MAP3K9: variants seen among roughly 807,000 people sequenced by gnomAD.
The protein encoded by MAP3K9 is mitogen-activated protein kinase kinase kinase 9.
MAP3K9 carries 46 observed loss-of-function variants against 95.8 expected under a neutral mutation model. The observed-to-expected ratio is 0.48, with a 90% CI of 0.38 to 0.61. The LOEUF (loss-of-function observed/expected upper bound fraction) is 0.61, where lower values mean the gene tolerates loss of function less well. MAP3K9 is among the 20% of genes least tolerant of loss of function. The probability of loss-of-function intolerance (pLI) is 0.00; values close to 1 mark genes in which losing one functional copy is unlikely to be tolerated. For synonymous variants in MAP3K9, 533 were observed against 593.8 expected (o/e 0.90, Z 1.49); for missense variants, 1,296 against 1,474.3 (o/e 0.88, Z 1.98).
intron 3 of MAP3K9, among the ~76,000 whole-genome samples, chr14:70,758,928 A>G (rs113939290): frequency 6.6e-6 from 1 of 152,166 alleles, no homozygotes; most frequent in African/African-American, 2.4e-5. Context: ...ACGCCTAGCT[A>G]ATTTTGTATT....
chr14:70,745,144 A>T (rs1383184351), intron 5 of MAP3K9, among the ~76,000 whole-genome samples: 1 of 152,208 alleles, frequency 6.6e-6, no homozygotes, highest in African/African-American at 2.4e-5. Context: ...GGAGAGAGCC[A>T]TGTCTGAAAA....
At chr14:70,750,559 A>ACTGCAAC (rs1361440623) in intron 3 of MAP3K9, among the ~76,000 whole-genome samples, 1 of 152,074 alleles carries the variant, frequency 6.6e-6, no homozygotes, top group Non-Finnish European at 1.5e-5. Flanking sequence ...ATCTCGGCTC[A>ACTGCAAC]CTGCAACCTC....
chr14:70,730,190 T>A lies in MAP3K9; in HGVS notation c.*190A>T. 1 of 791,706 alleles carries A rather than the reference T, an allele frequency of 1.3e-6. No homozygotes were observed. The highest frequency in any genetic ancestry group is 1.9e-6 in the Non-Finnish European group (1 of 519,130). The allele number at this position is 791,706 out of a possible 1,614,324, so 49.0% of individuals were successfully genotyped here. On this transcript the variant is annotated 3_prime_UTR_variant, in exon 12 of 12. Transcript: ENST00000554752. ...CCACAGCCCCTCCAGTGGACACGGG[T>A]AGAAAGGCCCTGCAGGGCAGGAGAC... is the stretch of plus-strand genomic sequence containing the variant.
chr14:70,789,648 G>T (rs2054785513), intron 2 of MAP3K9, among the ~76,000 whole-genome samples: 1 of 152,166 alleles, frequency 6.6e-6, no homozygotes, highest in African/African-American at 2.4e-5. Context: ...AACTCCCAAG[G>T]CGGTGTTTCT....
At chr14:70,751,923 G>A (rs1030509107) in intron 3 of MAP3K9, among the ~76,000 whole-genome samples, 8 of 152,232 alleles carry the variant, frequency 5.3e-5, no homozygotes, top group African/African-American at 1.4e-4. Context: ...ACATCATGGT[G>A]GGCCCAGACC....
At chr14:70,742,911 T>TTATATATATATATATATATATATATA (rs3081458) in intron 5 of MAP3K9, among the ~76,000 whole-genome samples, 1 of 143,112 alleles carries the variant, frequency 7.0e-6, no homozygotes, top group African/African-American at 2.6e-5. Flanking sequence ...TTATATATAT[T>TTATATATATATATATATATATATATA]TATATATATA....
chr14:70,735,965 A>G lies in MAP3K9; in HGVS notation c.1909T>C (p.Leu637=). ...AAGGGTGAAGATGAGACTCACCCCAAGTGGAAATGTGGAGATTCTGATGGG... is the reference window on the plus strand; with the variant it reads ...AAGGGTGAAGATGAGACTCACCCCAGGTGGAAATGTGGAGATTCTGATGGG... ...STPSESPHFH[L]GLKSLVDGYK... is the part of the protein sequence containing the mutation. The change falls in exon 9 of 12, where the codon TTG becomes CTG. Residue 637 remains leucine (L), a synonymous_variant. Transcript: ENST00000554752. 3 of 1,611,524 alleles carry G rather than the reference A, an allele frequency of 1.9e-6. No homozygotes were observed. Among genetic ancestry groups the G allele is most frequent in the Non-Finnish European group, 2.5e-6 (3 of 1,177,624 alleles).
chr14:70,730,192 G>A lies in MAP3K9; in HGVS notation c.*188C>T. 1.2e-6 allele frequency: 1 copy of A among 814,434 alleles called. No homozygotes were observed. The highest frequency in any genetic ancestry group is 1.9e-6 in the Non-Finnish European group (1 of 538,628). 50.5% of individuals were successfully genotyped at this position (814,434 alleles called of 1,614,324 possible). ...ACAGCCCCTCCAGTGGACACGGGTA[G>A]AAAGGCCCTGCAGGGCAGGAGACCC... On this transcript the variant is annotated 3_prime_UTR_variant, in exon 12 of 12. Coordinates refer to ENST00000554752, the MANE Select transcript of MAP3K9 (RefSeq NM_001284230.2).
chr14:70,800,842 G>T lies in MAP3K9; in HGVS notation c.645C>A (p.Asn215Lys). The stretch of plus-strand genomic sequence containing the variant: ...GAGCAAACTCCATGACCAAGCAGAG[G>T]TTGGGCTCCTTCAGACATACCCCTC... ...ALRGVCLKEP[N>K]LCLVMEFARG... The change falls in exon 2 of 12, where the codon AAC becomes AAA. Residue 215 changes from asparagine to lysine, a missense_variant. Coordinates refer to ENST00000554752, the MANE Select transcript of MAP3K9 (RefSeq NM_001284230.2). 6.2e-7 allele frequency: 1 copy of T among 1,614,184 alleles called. No individual in the cohort carries two copies. Among genetic ancestry groups the T allele is most frequent in the South Asian group, 1.1e-5 (1 of 91,088 alleles).
intron 3 of MAP3K9, among the ~76,000 whole-genome samples, chr14:70,760,440 T>C (rs2054357942): frequency 6.6e-6 from 1 of 152,124 alleles, no homozygotes; most frequent in South Asian, 2.1e-4. Flanking sequence ...TTGGGACCCA[T>C]TTTTTTCTGA....
intron 3 of MAP3K9, among the ~76,000 whole-genome samples, chr14:70,759,586 G>C (rs71425216): frequency 0.3 from 45,291 of 152,128 alleles, 7,002 homozygotes; most frequent in Admixed American, 0.34. Flanking sequence ...TCTGGAGGGT[G>C]TGGCCCTGCC....
At chr14:70,738,911 T>C (rs1172283349) in intron 7 of MAP3K9, among the ~76,000 whole-genome samples, 1 of 152,128 alleles carries the variant, frequency 6.6e-6, no homozygotes, top group African/African-American at 2.4e-5. Flanking sequence ...AGGAATATTT[T>C]TCTGACATTA....
At position 70,732,628 on chromosome 14, in the gene MAP3K9, C is replaced by T. The variant is rs371754296; in HGVS notation, c.2741G>A (p.Arg914Gln). The T allele has an allele frequency of 1.2e-5, 19 of 1,606,522 alleles. No individual in the cohort carries two copies. Among genetic ancestry groups the T allele is most frequent in the Middle Eastern group, 1.7e-4 (1 of 6,046 alleles). The change falls in exon 11 of 12, where the codon CGG becomes CAG. Residue 914 changes from arginine (R) to glutamine (Q), a missense_variant. By Grantham distance (43) the Arg-to-Gln change is conservative. Coordinates refer to ENST00000554752, the MANE Select transcript of MAP3K9 (RefSeq NM_001284230.2). Reference protein sequence around the residue: ...TTPSQPSSHRRTPSDGALKPE... With the variant: ...TTPSQPSSHRQTPSDGALKPE... ...CTTAAGGGCCCCATCAGAAGGAGTC[C>T]GCCGGTGACTGCTGGGCTGCGAGGG...
chr14:70,741,003 A>C (rs936953711), intron 6 of MAP3K9, among the ~76,000 whole-genome samples: 2 of 152,210 alleles, frequency 1.3e-5, no homozygotes, highest in Admixed American at 1.3e-4. Context: ...GCATGGAATG[A>C]GTTCCCTTAT....
rs397840789 is a variant in MAP3K9 at position 70,809,056 on chromosome 14, GCCTCCT to G, written c.110_115del (p.Glu37_Glu38del). 4.6e-4 allele frequency: 647 copies of G among 1,418,858 alleles called. No homozygotes were observed. The highest frequency in any genetic ancestry group is 9.8e-4 in the Middle Eastern group (4 of 4,072). 87.9% of individuals were successfully genotyped at this position (1,418,858 alleles called of 1,614,324 possible). ...CTCCCCGGGGCCCACCGCCGCCGCC[GCCTCCT>G]CCTCCTCCTCCTCCTCCTCCTCGGC... On this transcript the variant is annotated inframe_deletion, in exon 1 of 12. Transcript: ENST00000554752.
At chr14:70,749,849 G>T in intron 4 of MAP3K9, 84 bp downstream of exon 4, 3 of 1,497,282 alleles carry the variant, frequency 2.0e-6, no homozygotes, top group Non-Finnish European at 2.8e-6. Context: ...TTCAGTAACT[G>T]ATCTCACAGA....
chr14:70,735,707 T>C (rs1229216147), intron 9 of MAP3K9, among the ~76,000 whole-genome samples: 1 of 152,142 alleles, frequency 6.6e-6, no homozygotes, highest in Non-Finnish European at 1.5e-5. Flanking sequence ...TATCTAAGCC[T>C]CTCTAAAACC....
chr14:70,794,475 A>G (rs2054840264), intron 2 of MAP3K9, among the ~76,000 whole-genome samples: 1 of 152,218 alleles, frequency 6.6e-6, no homozygotes, highest in Non-Finnish European at 1.5e-5. Flanking sequence ...CCAGCTGTCC[A>G]ACAGGAGTGT....
Position 70,724,310 on chromosome 14 carries a change from AAAAGCTCCTAGATGTTTC to A in MAP3K9, c.*6052_*6069del, listed in dbSNP as rs2053790694. On this transcript the variant is annotated 3_prime_UTR_variant, in exon 12 of 12. Coordinates refer to ENST00000554752, the MANE Select transcript of MAP3K9 (RefSeq NM_001284230.2). The stretch of plus-strand genomic sequence containing the variant: ...CACACCCAGGTATAGATCCAAAGTT[AAAAGCTCCTAGATGTTTC>A]ATTGCTGTAAGCCTACACACTCCTA... The A allele has an allele frequency of 6.6e-6, 1 of 152,216 alleles. No individual in the cohort carries two copies. The highest frequency in any genetic ancestry group is 1.5e-5 in the Non-Finnish European group (1 of 68,056). The allele number at this position is 152,216 out of a possible 1,614,324, so 9.4% of individuals were successfully genotyped here. A position where few individuals can be genotyped will look rare whatever the true frequency, so the allele number is the denominator to read the frequency against.
Sources: allele counts gnomAD v4.1 joint callset (sites outside exome capture counted in the v4.1 genomes callset), GRCh38; gene constraint gnomAD v4.1.1; transcripts MANE v1.5; gene names NCBI Gene and HGNC (gene_info 2026-07-23, HGNC 2026-07-21).